The following GLI3 variants were observed in gnomAD, a reference collection of about 807,000 sequenced individuals.
GLI3 encodes the protein transcription activator GLI3.
In GLI3, 20 loss-of-function variants were observed where a neutral mutation model predicts 100.8. The observed-to-expected ratio is 0.20, with a 90% CI of 0.14 to 0.29. GLI3 has a LOEUF of 0.29. Ranked by LOEUF, GLI3 falls within the 10% of genes least tolerant of loss-of-function variation. The probability of loss-of-function intolerance (pLI) is 1.00; values close to 1 mark genes in which losing one functional copy is unlikely to be tolerated. For synonymous variants in GLI3, 938 were observed against 860.5 expected (o/e 1.09, Z -1.58); for missense variants, 2,040 against 2,128.5 (o/e 0.96, Z 0.82).
chr7:42,068,109 C>T (rs150578956), intron 4 of GLI3, among the ~76,000 whole-genome samples: 266 of 152,356 alleles, frequency 1.7e-3, no homozygotes, highest in African/African-American at 6.0e-3. Context: ...ATTCTCCCTG[C>T]ATTATTTTCT....
chr7:42,248,842 G>T (rs1399032588), intron 1 of GLI3, among the ~76,000 whole-genome samples: 3 of 151,746 alleles, frequency 2.0e-5, no homozygotes, highest in Non-Finnish European at 4.4e-5. Context: ...AGGCTGGAGT[G>T]CAGTGGTGTG....
chr7:42,027,475 CA>C (rs1197789709), intron 7 of GLI3, among the ~76,000 whole-genome samples: 3 of 152,128 alleles, frequency 2.0e-5, no homozygotes, highest in African/African-American at 7.2e-5. Flanking sequence ...TGCAAATTTC[CA>C]ATCTGGTGGG....
At chr7:42,182,518 C>A (rs1787613363) in intron 2 of GLI3, among the ~76,000 whole-genome samples, 1 of 150,486 alleles carries the variant, frequency 6.6e-6, no homozygotes. Context: ...AACTTTTTCG[C>A]CAAAGGACCT....
chr7:42,034,023 A>T (rs764223260), intron 7 of GLI3, among the ~76,000 whole-genome samples: 7 of 152,228 alleles, frequency 4.6e-5, no homozygotes, highest in Non-Finnish European at 8.8e-5. Flanking sequence ...AAAGCTAAAA[A>T]GCTACTTGCC....
intron 3 of GLI3, among the ~76,000 whole-genome samples, chr7:42,084,078 A>T (rs1785051375): frequency 6.6e-6 from 1 of 152,246 alleles, no homozygotes. Flanking sequence ...ACTTCCACGG[A>T]CATTCTCCAC....
At chr7:41,987,567 C>T (rs752925964) in intron 10 of GLI3, among the ~76,000 whole-genome samples, 1 of 152,208 alleles carries the variant, frequency 6.6e-6, no homozygotes, top group Non-Finnish European at 1.5e-5. Flanking sequence ...CTCTGTATTC[C>T]TCTGTCCTCA....
At chr7:42,088,657 A>G (rs1406712698) in intron 3 of GLI3, among the ~76,000 whole-genome samples, 1 of 152,228 alleles carries the variant, frequency 6.6e-6, no homozygotes, top group East Asian at 1.9e-4. Flanking sequence ...CCTGCAGTCC[A>G]GACAAGCTAA....
In GLI3 at chr7:41,961,712, GGTGA is replaced by G. The variant is rs1230369593; in HGVS notation, c.*2614_*2617del. 1 of 152,002 alleles carries G rather than the reference GGTGA, an allele frequency of 6.6e-6. No individual in the cohort carries two copies. The highest frequency in any genetic ancestry group is 2.4e-5 in the African/African-American group (1 of 41,374). 9.4% of individuals were successfully genotyped at this position (152,002 alleles called of 1,614,324 possible). On this transcript the variant is annotated 3_prime_UTR_variant, in exon 15 of 15. Transcript: ENST00000395925. ...AATGGAGAGAGGCTTGGAGGCTGGG[GGTGA>G]GTCTCAAGATATGAGATGCCTAGCC...
intron 3 of GLI3, among the ~76,000 whole-genome samples, chr7:42,105,850 C>T (rs549493686): frequency 4.8e-4 from 73 of 152,230 alleles, no homozygotes; most frequent in African/African-American, 1.6e-3. Context: ...AGCACCTCCA[C>T]GTCTGCAGTC....
chr7:42,001,493 C>A (rs1788296095), intron 10 of GLI3, among the ~76,000 whole-genome samples: 1 of 152,216 alleles, frequency 6.6e-6, no homozygotes, highest in Non-Finnish European at 1.5e-5. Flanking sequence ...TCATTTTCAC[C>A]TGATACTTGT....
chr7:42,204,706 A>C (rs532021804), intron 2 of GLI3, among the ~76,000 whole-genome samples: 1 of 152,178 alleles, frequency 6.6e-6, no homozygotes, highest in East Asian at 1.9e-4. Context: ...ATTTCCCTAA[A>C]TTCTGTCCCC....
rs113891056 is a variant in GLI3, at chr7:42,007,801, C to T, written c.1497+15667G>A. 2.8e-3 allele frequency among the ~76,000 whole-genome samples: 431 copies of T among 152,322 alleles called. 6 individuals carry two copies. Among genetic ancestry groups the T allele is most frequent in the African/African-American group, 9.0e-3 (375 of 41,576 alleles). On this transcript the variant is annotated intron_variant, in intron 10 of 14. Coordinates refer to ENST00000395925, the MANE Select transcript of GLI3 (RefSeq NM_000168.6). ...AAAAACTGAGGCCTCACAGTACCCA[C>T]ATTCTTACCCCATGTCAGTTACCTG...
In GLI3 at chr7:41,972,479, C is replaced by G. The variant is rs1373686470; in HGVS notation, c.1961G>C (p.Arg654Thr). Residue 654 changes from arginine to threonine, a missense_variant, in exon 13 of 15, where the codon AGA becomes ACA. Arg to Thr is a moderately conservative substitution (Grantham distance 71, BLOSUM62 -1). Coordinates refer to ENST00000395925, the MANE Select transcript of GLI3 (RefSeq NM_000168.6). This position sits in a 1 kb window ranked among gnomAD's most constrained non-coding sequence, Gnocchi z 4.4. ...GDIHPRPPPP[R>T]DSGSHSQSRS... The stretch of plus-strand genomic sequence containing the variant: ...GGACTGTGAATGGCTGCCGGAATCT[C>G]TCGGGGGTGGCGGCCGAGGATGGAT... 1 of 1,613,734 alleles carries G rather than the reference C, an allele frequency of 6.2e-7. No individual in the cohort carries two copies. The highest frequency in any genetic ancestry group is 1.7e-5 in the Admixed American group (1 of 60,008).
chr7:42,258,830 T>G (rs909496854), intron 1 of GLI3, among the ~76,000 whole-genome samples: 1 of 152,194 alleles, frequency 6.6e-6, no homozygotes, highest in Non-Finnish European at 1.5e-5. Flanking sequence ...TCAAATCATA[T>G]CCTGGGGATT....
At chr7:42,255,406 G>A (rs1429705265) in intron 1 of GLI3, among the ~76,000 whole-genome samples, 2 of 152,104 alleles carry the variant, frequency 1.3e-5, no homozygotes, top group Non-Finnish European at 2.9e-5. Flanking sequence ...TAGTTGTACA[G>A]CCATCATTAC....
At chr7:42,052,064 A>G (rs951173208) in intron 4 of GLI3, among the ~76,000 whole-genome samples, 3 of 152,172 alleles carry the variant, frequency 2.0e-5, no homozygotes, top group Admixed American at 2.0e-4. Context: ...CTTTTCCAGA[A>G]TGTCAGGCAG....
At chr7:42,211,735 G>A (rs535938390) in intron 2 of GLI3, among the ~76,000 whole-genome samples, 2 of 152,092 alleles carry the variant, frequency 1.3e-5, no homozygotes, top group African/African-American at 2.4e-5. Context: ...TAACTGCCAC[G>A]CCATGTCCTC....
chr7:42,002,055 G>GAC (rs36214762), intron 10 of GLI3, among the ~76,000 whole-genome samples: 10,538 of 150,382 alleles, frequency 0.07, 451 homozygotes, highest in Non-Finnish European at 0.1. Context: ...AACATGGCAA[G>GAC]ACACACACAC....
chr7:42,089,748 T>C (rs1785178387), intron 3 of GLI3, among the ~76,000 whole-genome samples: 1 of 152,244 alleles, frequency 6.6e-6, no homozygotes, highest in Non-Finnish European at 1.5e-5. Flanking sequence ...ATATAAATTT[T>C]CTTTCATCCG....
Sources: allele counts gnomAD v4.1 joint callset (sites outside exome capture counted in the v4.1 genomes callset), GRCh38; gene constraint gnomAD v4.1.1; non-coding constraint Gnocchi (gnomAD v3.1); transcripts MANE v1.5; gene names NCBI Gene and HGNC (gene_info 2026-07-23, HGNC 2026-07-21).